HDAC4: variants seen among roughly 807,000 people sequenced by gnomAD.
HDAC4 encodes histone deacetylase 4.
HDAC4 carries 16 observed loss-of-function variants against 135.1 expected under a neutral mutation model. The observed-to-expected ratio is 0.12, with a 90% CI of 0.08 to 0.18. The LOEUF (loss-of-function observed/expected upper bound fraction) is 0.18. Ranked by LOEUF, HDAC4 falls within the 10% of genes least tolerant of loss-of-function variation. The pLI, the probability that HDAC4 is intolerant of heterozygous loss-of-function variation, is 1.00. For synonymous variants in HDAC4, 685 were observed against 653.4 expected (o/e 1.05, Z -0.74); for missense variants, 1,143 against 1,511.8 (o/e 0.76, Z 4.05).
intron 2 of HDAC4, among the ~76,000 whole-genome samples, chr2:239,275,634 G>A (rs1379654316): frequency 2.6e-5 from 4 of 152,142 alleles, no homozygotes; most frequent in Admixed American, 2.6e-4. Flanking sequence ...TGTGTGTGCG[G>A]GTGGCACACC....
intron 1 of HDAC4, among the ~76,000 whole-genome samples, chr2:239,398,071 C>T (rs542095475): frequency 2.5e-4 from 1 of 4,018 alleles, no homozygotes; most frequent in South Asian, 5.3e-3. Flanking sequence ...CTTCAGTTCC[C>T]CCATCCCCAG....
chr2:239,076,423 T>C (rs1376447188), intron 22 of HDAC4, among the ~76,000 whole-genome samples: 1 of 152,222 alleles, frequency 6.6e-6, no homozygotes, highest in African/African-American at 2.4e-5. Flanking sequence ...AAGCCACAAC[T>C]GCATCTAAAT....
In HDAC4 at chr2:239,080,933, C is replaced by G. The variant is rs1351046812; in HGVS notation, c.2750+162G>C. The G allele has an allele frequency of 1.2e-5, 7 of 607,048 alleles. No homozygotes were observed. The East Asian group carries it at 1.9e-4, about 17-fold the overall frequency. 37.6% of individuals were successfully genotyped at this position (607,048 alleles called of 1,614,324 possible). A position where few individuals can be genotyped will look rare whatever the true frequency, so the allele number is the denominator to read the frequency against. On this transcript the variant is annotated intron_variant, in intron 22 of 26. Coordinates refer to ENST00000543185, the MANE Select transcript of HDAC4 (RefSeq NM_001378414.1). ...AGAAGATAGTCGCCAAGATTCCACG[C>G]TTGGCACTGAAGAATGAACTGAGAC...
intron 24 of HDAC4, among the ~76,000 whole-genome samples, chr2:239,063,240 G>A (rs1326501280): frequency 2.0e-5 from 3 of 151,160 alleles, no homozygotes; most frequent in Non-Finnish European, 4.4e-5. Flanking sequence ...TCGCTCTCTC[G>A]CCCAGGCTGG....
rs76146223 is a variant in HDAC4 at position 239,224,586 on chromosome 2, T to C, written c.94+12007A>G. 6.5e-3 allele frequency among the ~76,000 whole-genome samples: 995 copies of C among 152,358 alleles called. 22 individuals are homozygous for C. In the East Asian group the frequency reaches 0.072, roughly 11 times the overall value. On this transcript the variant is annotated intron_variant, in intron 3 of 26. Transcript: ENST00000543185. The stretch of plus-strand genomic sequence containing the variant: ...TCGCAGCCCCTCCACTCCCGAGCCC[T>C]GCTCTGCCTTCCCTGCTCTACTGTT...
intron 3 of HDAC4, among the ~76,000 whole-genome samples, chr2:239,227,439 C>A (rs537256489): frequency 6.6e-6 from 1 of 152,118 alleles, no homozygotes; most frequent in Non-Finnish European, 1.5e-5. Flanking sequence ...CAAGTGGGAC[C>A]GGGCAGCCCC....
chr2:239,334,969 G>A (rs967264441), intron 2 of HDAC4, among the ~76,000 whole-genome samples: 33 of 142,142 alleles, frequency 2.3e-4, no homozygotes, highest in African/African-American at 8.8e-4. Context: ...AGCTTGCAGT[G>A]AGCCAAGATC....
chr2:239,381,824 G>A (rs1200508982), intron 1 of HDAC4, among the ~76,000 whole-genome samples: 2 of 152,182 alleles, frequency 1.3e-5, no homozygotes, highest in African/African-American at 4.8e-5. Flanking sequence ...TCCAGACACT[G>A]ACAAATGTCC....
chr2:239,307,647 GA>G lies in HDAC4; in HGVS notation c.22+45030del, dbSNP rs903694920. Among the ~76,000 whole-genome samples, 1 of 152,196 alleles carries G rather than the reference GA, an allele frequency of 6.6e-6. No homozygotes were observed. The highest frequency in any genetic ancestry group is 1.5e-5 in the Non-Finnish European group (1 of 68,040). On this transcript the variant is annotated intron_variant, in intron 2 of 26. Transcript: ENST00000543185. The surrounding 1 kb of genome is among the most constrained non-coding windows in gnomAD (Gnocchi z 4.8). Reference sequence around the variant, plus strand: ...TAGCCAAACGACAACTCCTGCTCAAGAAAACGCATGCAAGAGAAGCCCTCCT... The same window carrying G: ...TAGCCAAACGACAACTCCTGCTCAAGAAACGCATGCAAGAGAAGCCCTCCT...
At chr2:239,120,801 C>T (rs1455470291) in intron 12 of HDAC4, among the ~76,000 whole-genome samples, 2 of 151,856 alleles carry the variant, frequency 1.3e-5, no homozygotes, top group African/African-American at 4.8e-5. Context: ...AGAGGCAGGT[C>T]CCTTCTCTAG....
At chr2:239,198,564 A>ATG (rs1336237661) in intron 3 of HDAC4, among the ~76,000 whole-genome samples, 28 of 152,290 alleles carry the variant, frequency 1.8e-4, no homozygotes, top group African/African-American at 6.5e-4. Context: ...AGAGGCGCTC[A>ATG]GGATCATAGT....
rs76427189 is a variant in HDAC4 at position 239,167,727 on chromosome 2, C to CTT, written c.491-3806_491-3805dup. Reference sequence around the variant, plus strand: ...CAGATCTCCCTAATTTTTACTTTTACTTTTTTTTTTTTTTTCTTAATTCAC... The same window carrying CTT: ...CAGATCTCCCTAATTTTTACTTTTACTTTTTTTTTTTTTTTTTCTTAATTCAC... On this transcript the variant is annotated intron_variant, in intron 5 of 26. Coordinates refer to ENST00000543185, the MANE Select transcript of HDAC4 (RefSeq NM_001378414.1). The surrounding 1 kb of genome is among the most constrained non-coding windows in gnomAD (Gnocchi z 4.1). Among the ~76,000 whole-genome samples, 5 of 144,160 alleles carry CTT rather than the reference C, an allele frequency of 3.5e-5. No homozygotes were observed. The highest frequency in any genetic ancestry group is 5.1e-5 in the African/African-American group (2 of 39,494). The allele number at this position is 144,160 out of a possible 152,430, so 94.6% of individuals were successfully genotyped here. A position where few individuals can be genotyped will look rare whatever the true frequency, so the allele number is the denominator to read the frequency against.
chr2:239,157,096 C>T (rs1363098948), intron 6 of HDAC4, among the ~76,000 whole-genome samples: 2 of 152,244 alleles, frequency 1.3e-5, no homozygotes, highest in East Asian at 3.9e-4. Context: ...AGTCAGTTCG[C>T]TACCAGGGCC....
intron 5 of HDAC4, 103 bp from the exon 6 acceptor site, chr2:239,164,026 T>C (rs932114438): frequency 3.3e-5 from 47 of 1,432,588 alleles, no homozygotes; most frequent in Admixed American, 1.8e-4. Context: ...TGGGGACGGC[T>C]ATGCACCTTC....
chr2:239,336,670 G>T (rs915627547), intron 2 of HDAC4, among the ~76,000 whole-genome samples: 1 of 152,206 alleles, frequency 6.6e-6, no homozygotes, highest in South Asian at 2.1e-4. Context: ...ATTAAAACTT[G>T]AGTAGACAGT....
chr2:239,322,797 G>A (rs542349929), intron 2 of HDAC4, among the ~76,000 whole-genome samples: 58 of 152,188 alleles, frequency 3.8e-4, no homozygotes, highest in African/African-American at 1.2e-3. Context: ...CCCCACACCC[G>A]GGGCCCCACT....
At chr2:239,072,974 C>T (rs1574913242) in intron 22 of HDAC4, among the ~76,000 whole-genome samples, 2 of 152,328 alleles carry the variant, frequency 1.3e-5, no homozygotes, top group South Asian at 4.1e-4. Flanking sequence ...GAGGGCCCAT[C>T]TCAATGCTGG....
At chr2:239,321,464 CAAAAAAAA>C (rs10530231) in intron 2 of HDAC4, among the ~76,000 whole-genome samples, 1 of 56,276 alleles carries the variant, frequency 1.8e-5, no homozygotes, top group Non-Finnish European at 3.3e-5. Context: ...GACTCCGTCT[CAAAAAAAA>C]AAAAAAAAAA....
chr2:239,309,693 C>A lies in HDAC4; in HGVS notation c.22+42985G>T, dbSNP rs2052778399. Among the ~76,000 whole-genome samples the A allele has an allele frequency of 6.6e-6, 1 of 152,248 alleles. No individual in the cohort carries two copies. The highest frequency in any genetic ancestry group is 6.5e-5 in the Admixed American group (1 of 15,288). ...GCCTCCACCGCAGGCAGAGCTCCGC[C>A]AGCAAGTATCCTGGGAGCTGGGGGG... On this transcript the variant is annotated intron_variant, in intron 2 of 26. Transcript: ENST00000543185. The surrounding 1 kb of genome is among the most constrained non-coding windows in gnomAD (Gnocchi z 4.2).
Sources: allele counts gnomAD v4.1 joint callset (sites outside exome capture counted in the v4.1 genomes callset), GRCh38; gene constraint gnomAD v4.1.1; non-coding constraint Gnocchi (gnomAD v3.1); transcripts MANE v1.5; gene names NCBI Gene and HGNC (gene_info 2026-07-23, HGNC 2026-07-21).